The following VWA3B variants were observed in gnomAD, a reference collection of about 807,000 sequenced individuals.
The protein encoded by VWA3B is von Willebrand factor A domain-containing protein 3B.
In VWA3B, 138 loss-of-function variants were observed where a neutral mutation model predicts 158.3. That is an observed-to-expected ratio of 0.87 (90% CI 0.76 to 1.00). VWA3B has a LOEUF of 1.00. Ranked by LOEUF, VWA3B falls within the 50% of genes least tolerant of loss-of-function variation. The probability of loss-of-function intolerance (pLI) is 0.00; values close to 1 mark genes in which losing one functional copy is unlikely to be tolerated. For missense variants in VWA3B, 1,555 were observed against 1,565.1 expected, an observed-to-expected ratio of 0.99 and a Z score of 0.11; for synonymous variants, 596 against 587.3, an observed-to-expected ratio of 1.01 and a Z score of -0.21.
intron 2 of VWA3B, among the ~76,000 whole-genome samples, chr2:98,108,766 A>G (rs1673882407): frequency 6.6e-6 from 1 of 151,856 alleles, no homozygotes; most frequent in Non-Finnish European, 1.5e-5. Flanking sequence ...TAGACAGTAT[A>G]TTGTTGAGTC....
In VWA3B at chr2:98,115,769, C is replaced by A. The variant is rs761895450; in HGVS notation, c.291+23C>A. 8.2e-6 allele frequency: 13 copies of A among 1,577,258 alleles called. No individual in the cohort carries two copies. The East Asian group carries it at 2.5e-4, about 30-fold the overall frequency. On this transcript the variant is annotated intron_variant, in intron 3 of 27. Transcript: ENST00000477737. ...AATGTAAGTCAGAGTTCCCTCAATG[C>A]GCAGTCCTGTGACATGGTGCTGACA...
intron 8 of VWA3B, among the ~76,000 whole-genome samples, chr2:98,163,967 C>A (rs1267637152): frequency 6.6e-6 from 1 of 152,178 alleles, no homozygotes; most frequent in African/African-American, 2.4e-5. Flanking sequence ...TTCAGAGGAG[C>A]CTGGCTGAAG....
intron 22 of VWA3B, among the ~76,000 whole-genome samples, chr2:98,288,842 C>T (rs983401056): frequency 6.6e-6 from 1 of 152,168 alleles, no homozygotes; most frequent in Non-Finnish European, 1.5e-5. Context: ...TCTTCAATTC[C>T]TGAGTTCACA....
At chr2:98,128,430 G>C (rs755576505) in intron 6 of VWA3B, 22 bp downstream of exon 6, 3 of 1,607,110 alleles carry the variant, frequency 1.9e-6, no homozygotes, top group Non-Finnish European at 1.7e-6. Flanking sequence ...ATGTGCTCTT[G>C]AGTGACAGCA....
intron 22 of VWA3B, among the ~76,000 whole-genome samples, chr2:98,286,071 G>A (rs1319663547): frequency 1.3e-5 from 2 of 151,850 alleles, no homozygotes; most frequent in South Asian, 2.1e-4. Context: ...CATTTTCAGA[G>A]TGCTCATTGC....
intron 9 of VWA3B, among the ~76,000 whole-genome samples, chr2:98,185,959 C>T (rs748263456): frequency 2.6e-5 from 4 of 152,104 alleles, no homozygotes; most frequent in Non-Finnish European, 5.9e-5. Context: ...GAGTTGTATA[C>T]GTTTCCTTTC....
Position 98,302,865 on chromosome 2 carries a change from C to A in VWA3B, c.3421-837C>A, listed in dbSNP as rs73961209. ...ATGGGAAATGAAATTTAGGGTTAAGCGCAAAGGAGAAAGACCATCAGAGCC... is the reference window on the plus strand; with the variant it reads ...ATGGGAAATGAAATTTAGGGTTAAGAGCAAAGGAGAAAGACCATCAGAGCC... On this transcript the variant is annotated intron_variant, in intron 25 of 27. Coordinates refer to ENST00000477737, the MANE Select transcript of VWA3B (RefSeq NM_144992.5). Among the ~76,000 whole-genome samples the A allele has an allele frequency of 6.4e-3, 971 of 152,230 alleles. 13 individuals carry two copies. Among genetic ancestry groups the A allele is most frequent in the African/African-American group, 0.022 (917 of 41,526 alleles).
chr2:98,153,603 G>C (rs558686316), intron 7 of VWA3B, among the ~76,000 whole-genome samples: 13 of 152,300 alleles, frequency 8.5e-5, no homozygotes, highest in African/African-American at 3.1e-4. Flanking sequence ...CCATCACTTA[G>C]GCTTGGCATT....
chr2:98,211,049 C>T (rs1421691074), intron 12 of VWA3B, among the ~76,000 whole-genome samples: 4 of 152,204 alleles, frequency 2.6e-5, no homozygotes, highest in East Asian at 1.9e-4. Context: ...GGAACTGCAG[C>T]GGGGCCCCCA....
chr2:98,108,578 GAC>G (rs1193880290), intron 2 of VWA3B, among the ~76,000 whole-genome samples: 1 of 152,128 alleles, frequency 6.6e-6, no homozygotes, highest in Non-Finnish European at 1.5e-5. Context: ...CTGGTGGATT[GAC>G]ACCTTTGTCA....
At chr2:98,279,676 A>T (rs1688751458) in intron 22 of VWA3B, among the ~76,000 whole-genome samples, 1 of 152,168 alleles carries the variant, frequency 6.6e-6, no homozygotes, top group South Asian at 2.1e-4. Context: ...TCATCCCCAG[A>T]CTTAAAGGGG....
rs1339157327 is a variant in VWA3B at position 98,125,787 on chromosome 2, C to T, written c.703-2452C>T. On this transcript the variant is annotated intron_variant, in intron 5 of 27. Coordinates refer to ENST00000477737, the MANE Select transcript of VWA3B (RefSeq NM_144992.5). This position sits in a 1 kb window ranked among gnomAD's most constrained non-coding sequence, Gnocchi z 4.1. ...CACGCCATTCTCCTGCCTCAGCCTC[C>T]CCAGTAGCTGGGACTACAGGCGCCT... Among the ~76,000 whole-genome samples the T allele has an allele frequency of 1.3e-5, 2 of 152,170 alleles. No homozygotes were observed. The highest frequency in any genetic ancestry group is 2.9e-5 in the Non-Finnish European group (2 of 68,026).
chr2:98,207,647 A>G (rs1683133119), intron 12 of VWA3B: 1 of 463,194 alleles, frequency 2.2e-6, no homozygotes, highest in African/African-American at 2.0e-5. Context: ...GAACATGACC[A>G]TCTCTCAGAA....
At position 98,300,222 on chromosome 2, in the gene VWA3B, T is replaced by C. The variant is rs530311348; in HGVS notation, c.3420+6T>C. 6.2e-6 allele frequency: 10 copies of C among 1,613,816 alleles called. No homozygotes were observed. Among genetic ancestry groups the C allele is most frequent in the South Asian group, 1.1e-5 (1 of 90,910 alleles). On this transcript the variant is annotated splice_donor_region_variant and intron_variant, in intron 25 of 27. Transcript: ENST00000477737. ...TGAAGTGTAACAACCGGAGAGTAAG[T>C]AGATTTTCATTTAGAAAAGGACTTT...
Position 98,093,261 on chromosome 2 carries a change from T to C in VWA3B, c.169T>C (p.Ser57Pro), listed in dbSNP as rs1682480305. The C allele has an allele frequency of 6.2e-7, 1 of 1,614,024 alleles. No individual in the cohort carries two copies. Among genetic ancestry groups the C allele is most frequent in the South Asian group, 1.1e-5 (1 of 91,090 alleles). ...SNKLTLKQIL[S>P]QIGFPHCEDY... ...CAAATTGACCTTGAAACAGATTTTG[T>C]CACAGATCGGATTCCCACATTGTGA... is the stretch of plus-strand genomic sequence containing the variant. The change falls in exon 2 of 28, where the codon TCA (serine) becomes CCA (proline). Residue 57 changes from serine (S) to proline (P), a missense_variant. Physicochemically the swap from Ser to Pro is moderately conservative, Grantham distance 74. Transcript: ENST00000477737.
intron 26 of VWA3B, 144 bp from the exon 27 acceptor site, chr2:98,311,675 G>C (rs1690902869): frequency 1.0e-6 from 1 of 981,800 alleles, no homozygotes; most frequent in African/African-American, 1.6e-5. Context: ...TAAAGCATTG[G>C]GTTCACAGCG....
intron 2 of VWA3B, among the ~76,000 whole-genome samples, chr2:98,094,921 A>G (rs187805862): frequency 2.6e-5 from 4 of 152,266 alleles, no homozygotes; most frequent in African/African-American, 7.2e-5. Context: ...TCAAAAATCA[A>G]TTGGCTGTAC....
chr2:98,093,006 A>G (rs540125466), intron 1 of VWA3B, 55 bp from the exon 2 acceptor site: 3 of 1,283,102 alleles, frequency 2.3e-6, no homozygotes, highest in Admixed American at 2.3e-5. Flanking sequence ...TCCCCTGTTG[A>G]CGTTAGATGA....
intron 23 of VWA3B, among the ~76,000 whole-genome samples, chr2:98,293,778 AC>A (rs1047272505): frequency 1.3e-5 from 2 of 152,164 alleles, no homozygotes; most frequent in African/African-American, 4.8e-5. Context: ...AATTCAAAAA[AC>A]GTAACACTAT....
Sources: allele counts gnomAD v4.1 joint callset (sites outside exome capture counted in the v4.1 genomes callset), GRCh38; gene constraint gnomAD v4.1.1; non-coding constraint Gnocchi (gnomAD v3.1); transcripts MANE v1.5; gene names NCBI Gene and HGNC (gene_info 2026-07-23, HGNC 2026-07-21).